Variants in ZMAT4 observed in about 807,000 individuals in gnomAD.
ZMAT4 encodes zinc finger matrin-type 4.
In ZMAT4, 17 loss-of-function variants were observed where a neutral mutation model predicts 28.7. That is an observed-to-expected ratio of 0.59 (90% CI 0.41 to 0.89). The LOEUF is 0.89. ZMAT4 is among the 40% of genes least tolerant of loss of function. The probability of loss-of-function intolerance (pLI) is 0.00; values close to 1 mark genes in which losing one functional copy is unlikely to be tolerated. For missense variants in ZMAT4, 240 were observed against 283.8 expected (o/e 0.85, Z 1.11); for synonymous variants, 117 against 109.2 (o/e 1.07, Z -0.44).
At chr8:40,850,335 C>T (rs1228997968) in intron 1 of ZMAT4, among the ~76,000 whole-genome samples, 2 of 152,148 alleles carry the variant, frequency 1.3e-5, no homozygotes, top group Non-Finnish European at 1.5e-5. Context: ...ACTAGCCTTC[C>T]CCTCATCGAC....
rs556489016 is a variant in ZMAT4, at chr8:40,830,232, T to G, written c.-4-4552A>C. On this transcript the variant is annotated intron_variant, in intron 1 of 6. Transcript: ENST00000297737. Reference sequence around the variant, plus strand: ...TCAGGGGGTACAGGTGCTTGTTTGTTACATATGTATACTGCATAATGGTGG... The same window carrying G: ...TCAGGGGGTACAGGTGCTTGTTTGTGACATATGTATACTGCATAATGGTGG... 2.6e-5 allele frequency among the ~76,000 whole-genome samples: 4 copies of G among 152,298 alleles called. No individual in the cohort carries two copies. The East Asian group carries it at 7.7e-4, about 29-fold the overall frequency.
chr8:40,708,585 C>G (rs972931517), intron 3 of ZMAT4, among the ~76,000 whole-genome samples: 1 of 150,000 alleles, frequency 6.7e-6, no homozygotes, highest in African/African-American at 2.5e-5. Context: ...CTCTCTCTCT[C>G]TCTCTCTCTC....
intron 3 of ZMAT4, among the ~76,000 whole-genome samples, chr8:40,764,559 A>C (rs1439303550): frequency 6.6e-6 from 1 of 151,338 alleles, no homozygotes; most frequent in Non-Finnish European, 1.5e-5. Flanking sequence ...TTACAAAGCC[A>C]TACGCTGGGG....
At chr8:40,576,019 A>G (rs1342854012) in intron 6 of ZMAT4, among the ~76,000 whole-genome samples, 2 of 152,044 alleles carry the variant, frequency 1.3e-5, no homozygotes, top group African/African-American at 4.8e-5. Context: ...GAATAAAATA[A>G]AAAGTACCAT....
chr8:40,546,630 A>G (rs951132687), intron 6 of ZMAT4, among the ~76,000 whole-genome samples: 3 of 152,212 alleles, frequency 2.0e-5, no homozygotes, highest in African/African-American at 4.8e-5. Flanking sequence ...TTACATTCCA[A>G]TGGTCCTCAC....
At chr8:40,840,997 AT>A (rs1214087134) in intron 1 of ZMAT4, among the ~76,000 whole-genome samples, 2 of 152,242 alleles carry the variant, frequency 1.3e-5, no homozygotes, top group Non-Finnish European at 2.9e-5. Context: ...TCTTCGGCTA[AT>A]TTTCTGTGGA....
At chr8:40,601,605 AGAAAGAAAGAAAGAAAGAAAGAAAGAAAG>A (rs1563360565) in intron 5 of ZMAT4, among the ~76,000 whole-genome samples, 2 of 8,066 alleles carry the variant, frequency 2.5e-4, no homozygotes, top group Non-Finnish European at 6.4e-4. Flanking sequence ...AAAGAAAGAA[AGAAAGAAAGAAAGAAAGAAAGAAAGAAAG>A]AGAAAGAAAG....
intron 6 of ZMAT4, among the ~76,000 whole-genome samples, chr8:40,557,364 CT>C (rs138032963): frequency 0.035 from 5,327 of 152,242 alleles, 137 homozygotes; most frequent in Non-Finnish European, 0.052. Flanking sequence ...CCTACTCTAG[CT>C]CCTACCTCCT....
At chr8:40,574,791 AT>A (rs1804207790) in intron 6 of ZMAT4, among the ~76,000 whole-genome samples, 1 of 152,148 alleles carries the variant, frequency 6.6e-6, no homozygotes, top group East Asian at 1.9e-4. Flanking sequence ...GCCAGCCCAC[AT>A]TGTCACTGCA....
At chr8:40,647,558 C>A (rs989806349) in intron 5 of ZMAT4, among the ~76,000 whole-genome samples, 1 of 152,174 alleles carries the variant, frequency 6.6e-6, no homozygotes, top group African/African-American at 2.4e-5. Context: ...GAAGCTCGAA[C>A]TGGGTGGAGC....
At chr8:40,614,322 T>G (rs1297886069) in intron 5 of ZMAT4, among the ~76,000 whole-genome samples, 1 of 152,218 alleles carries the variant, frequency 6.6e-6, no homozygotes, top group Non-Finnish European at 1.5e-5. Context: ...TCATTTACCT[T>G]TTTCTTTTTC....
At chr8:40,852,998 A>C (rs1391073313) in intron 1 of ZMAT4, among the ~76,000 whole-genome samples, 1 of 152,110 alleles carries the variant, frequency 6.6e-6, no homozygotes, top group Non-Finnish European at 1.5e-5. Context: ...TGGCAGGCTC[A>C]TTTCATGCCA....
intron 3 of ZMAT4, among the ~76,000 whole-genome samples, chr8:40,767,438 C>T (rs2150561270): frequency 6.6e-6 from 1 of 152,210 alleles, no homozygotes; most frequent in East Asian, 1.9e-4. Flanking sequence ...ATCAAAAACT[C>T]CTCCAATACT....
intron 5 of ZMAT4, among the ~76,000 whole-genome samples, chr8:40,587,473 A>T (rs1322449763): frequency 6.6e-6 from 1 of 152,204 alleles, no homozygotes; most frequent in Non-Finnish European, 1.5e-5. Flanking sequence ...GGCATGTAAA[A>T]TCTATGACAA....
At chr8:40,883,804 T>G (rs1818360200) in intron 1 of ZMAT4, among the ~76,000 whole-genome samples, 2 of 152,124 alleles carry the variant, frequency 1.3e-5, no homozygotes, top group Admixed American at 1.3e-4. Flanking sequence ...GCAACAACTC[T>G]TGTTTCTTTT....
intron 4 of ZMAT4, among the ~76,000 whole-genome samples, chr8:40,683,187 C>T (rs988319845): frequency 6.6e-6 from 1 of 152,320 alleles, no homozygotes; most frequent in East Asian, 1.9e-4. Flanking sequence ...GAAATCACTT[C>T]TCTTACATAA....
intron 3 of ZMAT4, among the ~76,000 whole-genome samples, chr8:40,766,968 G>A (rs770219537): frequency 1.3e-5 from 2 of 152,170 alleles, no homozygotes; most frequent in South Asian, 2.1e-4. Context: ...TGTTTATTAG[G>A]AGGAGCCTCT....
At chr8:40,881,701 C>T (rs1818281998) in intron 1 of ZMAT4, among the ~76,000 whole-genome samples, 2 of 152,110 alleles carry the variant, frequency 1.3e-5, no homozygotes, top group Non-Finnish European at 1.5e-5. Context: ...CATGGATCAG[C>T]TTGAAAAAAC....
At chr8:40,643,359 A>C (rs1585803983) in intron 5 of ZMAT4, among the ~76,000 whole-genome samples, 1 of 152,222 alleles carries the variant, frequency 6.6e-6, no homozygotes, top group Non-Finnish European at 1.5e-5. Context: ...CTTTGCCTAC[A>C]AAAATAAATA....
Sources: allele counts gnomAD v4.1 joint callset (sites outside exome capture counted in the v4.1 genomes callset), GRCh38; gene constraint gnomAD v4.1.1; transcripts MANE v1.5; gene names NCBI Gene and HGNC (gene_info 2026-07-23, HGNC 2026-07-21).